MGMT: variants seen among roughly 807,000 people sequenced by gnomAD.
The protein encoded by MGMT is methylated-DNA--protein-cysteine methyltransferase.
In MGMT, 14 loss-of-function variants were observed where a neutral mutation model predicts 15.9. The ratio of observed to expected loss-of-function variants is 0.88; its 90% CI spans 0.58 to 1.37. MGMT has a LOEUF of 1.37. Among genes scored for constraint, MGMT ranks in the 40% most tolerant of loss-of-function variants. MGMT has a pLI of 0.00. For synonymous variants in MGMT, 130 were observed against 118.2 expected (o/e 1.10, Z -0.65); for missense variants, 282 against 268.1 (o/e 1.05, Z -0.36).
At chr10:129,605,163 G>A (rs913738258) in intron 2 of MGMT, among the ~76,000 whole-genome samples, 2 of 152,048 alleles carry the variant, frequency 1.3e-5, no homozygotes, top group Admixed American at 1.3e-4. Context: ...GGTTATTACT[G>A]GCCATTGAAA....
chr10:129,674,917 A>G (rs895981452), intron 2 of MGMT, among the ~76,000 whole-genome samples: 5 of 152,228 alleles, frequency 3.3e-5, no homozygotes, highest in African/African-American at 9.6e-5. Context: ...CAACTAATGA[A>G]CAAAGCGTGG....
At chr10:129,518,999 G>A (rs1305927087) in intron 1 of MGMT, among the ~76,000 whole-genome samples, 1 of 152,038 alleles carries the variant, frequency 6.6e-6, no homozygotes, top group African/African-American at 2.4e-5. Context: ...GATTGTCTGG[G>A]GCACTCCTCC....
In MGMT at chr10:129,512,580, A is replaced by G. The variant is rs1845695929; in HGVS notation, c.-12-23661A>G. Reference sequence around the variant, plus strand: ...GCAGGGCTCTTGTAAGGATTAGAGAAGAGGAAAGTGAGTGCCTGGCATGAA... The same window carrying G: ...GCAGGGCTCTTGTAAGGATTAGAGAGGAGGAAAGTGAGTGCCTGGCATGAA... On this transcript the variant is annotated intron_variant, in intron 1 of 4. Coordinates refer to ENST00000651593, the MANE Select transcript of MGMT (RefSeq NM_002412.5). Among the ~76,000 whole-genome samples, 3 of 152,272 alleles carry G rather than the reference A, an allele frequency of 2.0e-5. No individual in the cohort carries two copies. The South Asian group carries it at 6.2e-4, about 32-fold the overall frequency.
intron 3 of MGMT, among the ~76,000 whole-genome samples, chr10:129,720,231 C>T (rs1469946715): frequency 4.6e-5 from 7 of 152,240 alleles, no homozygotes; most frequent in African/African-American, 1.7e-4. Flanking sequence ...CTTCTCCCTA[C>T]TCACTGTTAA....
chr10:129,564,218 C>T lies in MGMT; in HGVS notation c.125+27841C>T. Reference sequence around the variant, plus strand: ...CCCACTTCTTCCTCCTCTCCCCCTCCTTCCCCCTTCCCCCTCCTCTTCCCC... The same window carrying T: ...CCCACTTCTTCCTCCTCTCCCCCTCTTTCCCCCTTCCCCCTCCTCTTCCCC... On this transcript the variant is annotated intron_variant, in intron 2 of 4. Transcript: ENST00000651593. 2.8e-5 allele frequency: 2 copies of T among 72,502 alleles called. 1 individual carries two copies. The highest frequency in any genetic ancestry group is 1.1e-4 in the African/African-American group (2 of 18,096). 4.5% of individuals were successfully genotyped at this position (72,502 alleles called of 1,614,324 possible).
In MGMT at chr10:129,607,283, G is replaced by C. The variant is rs371617693; in HGVS notation, c.125+70906G>C. On this transcript the variant is annotated intron_variant, in intron 2 of 4. Coordinates refer to ENST00000651593, the MANE Select transcript of MGMT (RefSeq NM_002412.5). ...GGAATATCCCGGGAAGAATTACCTG[G>C]AAGAAATCAGAGTGGTTTTGGAAGA... 5.9e-5 allele frequency among the ~76,000 whole-genome samples: 9 copies of C among 152,030 alleles called. No individual in the cohort carries two copies. In the East Asian group the frequency reaches 1.5e-3, roughly 26 times the overall value.
intron 2 of MGMT, among the ~76,000 whole-genome samples, chr10:129,667,609 A>G (rs754731079): frequency 1.2e-4 from 18 of 152,160 alleles, no homozygotes; most frequent in Non-Finnish European, 1.6e-4. Context: ...CTTGATGCAC[A>G]CAGGCACGCA....
intron 2 of MGMT, among the ~76,000 whole-genome samples, chr10:129,593,015 C>T (rs188162192): frequency 3.9e-4 from 59 of 152,272 alleles, no homozygotes; most frequent in Non-Finnish European, 7.1e-4. Flanking sequence ...AGACACCCAC[C>T]GCCCCAGACA....
intron 2 of MGMT, among the ~76,000 whole-genome samples, chr10:129,680,311 G>A (rs939083597): frequency 3.9e-5 from 6 of 152,132 alleles, no homozygotes; most frequent in African/African-American, 7.2e-5. Flanking sequence ...TTTATTTCGC[G>A]GGCATGATTT....
chr10:129,521,299 C>T (rs992765248), intron 1 of MGMT, among the ~76,000 whole-genome samples: 5 of 152,214 alleles, frequency 3.3e-5, no homozygotes, highest in South Asian at 2.1e-4. Context: ...CCCTGTTGCC[C>T]GGGGTGGCTG....
In MGMT at chr10:129,709,297, A is replaced by G. The variant is rs979528279; in HGVS notation, c.274+1254A>G. On this transcript the variant is annotated intron_variant, in intron 3 of 4. Transcript: ENST00000651593. ...CCTGGGCTGCCGCCAGCTGGGGGCCACCTCTCCCCAGCGCCACAAGCCAGT... is the reference window on the plus strand; with the variant it reads ...CCTGGGCTGCCGCCAGCTGGGGGCCGCCTCTCCCCAGCGCCACAAGCCAGT... 4.6e-5 allele frequency among the ~76,000 whole-genome samples: 7 copies of G among 152,102 alleles called. No homozygotes were observed. The East Asian group carries it at 1.4e-3, about 29-fold the overall frequency.
intron 3 of MGMT, among the ~76,000 whole-genome samples, chr10:129,728,826 G>A (rs905899076): frequency 2.6e-5 from 4 of 151,460 alleles, no homozygotes; most frequent in South Asian, 2.1e-4. Context: ...GCCTCCCATC[G>A]CCATCAGCGT....
At chr10:129,680,845 C>T (rs751128065) in intron 2 of MGMT, among the ~76,000 whole-genome samples, 5 of 152,114 alleles carry the variant, frequency 3.3e-5, no homozygotes, top group East Asian at 1.9e-4. Context: ...ATGTGGGTGC[C>T]GGCCGTGTCT....
chr10:129,574,884 A>G (rs1337949153), intron 2 of MGMT, among the ~76,000 whole-genome samples: 1 of 152,162 alleles, frequency 6.6e-6, no homozygotes, highest in Non-Finnish European at 1.5e-5. Context: ...CTTACATCTA[A>G]TATTCTCATT....
chr10:129,632,095 C>T lies in MGMT; in HGVS notation c.126-75800C>T, dbSNP rs1213714348. ...TGTTACTAAAGTTTGGATTGCGTCACACTGCATGTGTTGTAGTGGGATATG... is the reference window on the plus strand; with the variant it reads ...TGTTACTAAAGTTTGGATTGCGTCATACTGCATGTGTTGTAGTGGGATATG... On this transcript the variant is annotated intron_variant, in intron 2 of 4. Coordinates refer to ENST00000651593, the MANE Select transcript of MGMT (RefSeq NM_002412.5). 4.6e-5 allele frequency among the ~76,000 whole-genome samples: 7 copies of T among 152,354 alleles called. No homozygotes were observed. The South Asian group carries it at 1.2e-3, about 27-fold the overall frequency.
chr10:129,724,260 G>A (rs909115013), intron 3 of MGMT, among the ~76,000 whole-genome samples: 3 of 152,144 alleles, frequency 2.0e-5, no homozygotes, highest in Admixed American at 6.5e-5. Flanking sequence ...TCTCGGTAAC[G>A]TCATGCTGAG....
intron 1 of MGMT, among the ~76,000 whole-genome samples, chr10:129,500,160 T>C (rs1294542237): frequency 6.6e-6 from 1 of 152,244 alleles, no homozygotes; most frequent in Non-Finnish European, 1.5e-5. Context: ...ATTGGATTTT[T>C]AAAACTTCAA....
intron 1 of MGMT, among the ~76,000 whole-genome samples, chr10:129,522,465 C>T (rs1017080615): frequency 5.1e-4 from 78 of 152,190 alleles, no homozygotes; most frequent in Non-Finnish European, 9.0e-4. Context: ...CCTGGAGCCC[C>T]CATCCCACAG....
chr10:129,512,223 C>T (rs1040305731), intron 1 of MGMT, among the ~76,000 whole-genome samples: 9 of 152,186 alleles, frequency 5.9e-5, no homozygotes, highest in Non-Finnish European at 1.0e-4. Flanking sequence ...CGATCAGTTT[C>T]ACCTGTTTGC....
Sources: allele counts gnomAD v4.1 joint callset (sites outside exome capture counted in the v4.1 genomes callset), GRCh38; gene constraint gnomAD v4.1.1; transcripts MANE v1.5; gene names NCBI Gene and HGNC (gene_info 2026-07-23, HGNC 2026-07-21).